DPP6: variants seen among roughly 807,000 people sequenced by gnomAD.
DPP6 encodes A-type potassium channel modulatory protein DPP6.
Under a neutral mutation model 122.6 loss-of-function variants are expected in DPP6, and 69 were observed. The observed-to-expected ratio is 0.56, with a 90% CI of 0.46 to 0.69. DPP6 has a LOEUF of 0.69. Among genes scored for constraint, DPP6 ranks in the 30% least tolerant of loss-of-function variants. The pLI is 0.00. For missense variants in DPP6, 928 were observed against 1,116.9 expected (o/e 0.83, Z 2.41); for synonymous variants, 418 against 433.1 (o/e 0.97, Z 0.43).
chr7:154,656,672 C>G (rs10232707), intron 6 of DPP6, among the ~76,000 whole-genome samples: 119,415 of 151,464 alleles, frequency 0.79, 48,695 homozygotes, highest in South Asian at 0.91. Context: ...GACCGGTAGG[C>G]GTTGGGCTGA....
chr7:153,870,769 A>G, the DPP6 span, among the ~76,000 whole-genome samples: 7 of 152,024 alleles, frequency 4.6e-5, no homozygotes, highest in Non-Finnish European at 8.8e-5. Flanking sequence ...TTTTTTGCCC[A>G]TCTTTGTGGT....
At chr7:154,694,481 G>A (rs1002339622) in intron 7 of DPP6, among the ~76,000 whole-genome samples, 1 of 152,074 alleles carries the variant, frequency 6.6e-6, no homozygotes, top group Non-Finnish European at 1.5e-5. Context: ...GCATGGTGGC[G>A]GGTGCCTGTA....
chr7:154,218,749 C>G (rs76628131), intron 1 of DPP6, among the ~76,000 whole-genome samples: 3 of 152,200 alleles, frequency 2.0e-5, no homozygotes, highest in Non-Finnish European at 4.4e-5. Flanking sequence ...TGCTCCACTG[C>G]ACCACCACAG....
chr7:153,886,276 C>A (rs38981), upstream of DPP6, among the ~76,000 whole-genome samples: 136,370 of 152,182 alleles, frequency 0.9, 61,256 homozygotes, highest in East Asian at 0.99. Flanking sequence ...TCCAGGGAGC[C>A]AACCGCGTTT....
At chr7:154,603,903 G>A (rs1833503719) in intron 5 of DPP6, among the ~76,000 whole-genome samples, 1 of 119,020 alleles carries the variant, frequency 8.4e-6, no homozygotes, top group African/African-American at 2.7e-5. Context: ...GTGCACGTGG[G>A]ATTTCTTAGT....
At chr7:154,611,285 G>A (rs897890977) in intron 5 of DPP6, among the ~76,000 whole-genome samples, 2 of 152,106 alleles carry the variant, frequency 1.3e-5, no homozygotes, top group Non-Finnish European at 2.9e-5. Flanking sequence ...TGTTACGTAC[G>A]AACACACATC....
chr7:154,467,015 T>G (rs1280517883), intron 2 of DPP6, among the ~76,000 whole-genome samples: 5 of 152,172 alleles, frequency 3.3e-5, no homozygotes, highest in Non-Finnish European at 7.4e-5. Flanking sequence ...ACTGGAGAGG[T>G]AAACACAGTA....
intron 1 of DPP6, among the ~76,000 whole-genome samples, chr7:154,190,515 G>A (rs1798565171): frequency 6.6e-6 from 1 of 152,160 alleles, no homozygotes; most frequent in East Asian, 1.9e-4. Flanking sequence ...TCAGTTAAAA[G>A]GTACTTAAGT....
At chr7:154,267,963 AC>A (rs1803546753) in intron 1 of DPP6, among the ~76,000 whole-genome samples, 1 of 149,156 alleles carries the variant, frequency 6.7e-6, no homozygotes, top group Non-Finnish European at 1.5e-5. Flanking sequence ...AAACACATAT[AC>A]ACACGTATAT....
chr7:154,246,391 A>T (rs1801987809), intron 1 of DPP6, among the ~76,000 whole-genome samples: 1 of 152,246 alleles, frequency 6.6e-6, no homozygotes. Context: ...GAAAAAATAA[A>T]ATAGAAAACT....
chr7:154,344,012 C>T (rs1357894688), intron 1 of DPP6, among the ~76,000 whole-genome samples: 1 of 152,006 alleles, frequency 6.6e-6, no homozygotes, highest in African/African-American at 2.4e-5. Context: ...CACCGTGCCC[C>T]ACCCTCTGCT....
intron 1 of DPP6, among the ~76,000 whole-genome samples, chr7:153,946,393 A>T (rs1005425378): frequency 6.6e-6 from 1 of 152,042 alleles, no homozygotes; most frequent in African/African-American, 2.4e-5. Context: ...TAATTTCTGG[A>T]TGTTGGCGTG....
At chr7:154,425,834 G>T (rs1279792941) in intron 1 of DPP6, among the ~76,000 whole-genome samples, 1 of 151,782 alleles carries the variant, frequency 6.6e-6, no homozygotes, top group African/African-American at 2.4e-5. Context: ...GTAGAGATGG[G>T]GTCTCTCTAT....
intron 1 of DPP6, chr7:154,305,326 C>T (rs563149387): frequency 2.0e-5 from 27 of 1,321,072 alleles, no homozygotes; most frequent in Middle Eastern, 2.9e-4. Context: ...AGAGCAAACT[C>T]GTCTTGTCTA....
chr7:154,702,668 G>T (rs574361773), intron 7 of DPP6, among the ~76,000 whole-genome samples: 1 of 152,326 alleles, frequency 6.6e-6, no homozygotes, highest in African/African-American at 2.4e-5. Context: ...AAGAAAAGTT[G>T]GAAGCTAACA....
At chr7:154,788,443 CAAA>C (rs11364637) in intron 10 of DPP6, among the ~76,000 whole-genome samples, 7 of 111,974 alleles carry the variant, frequency 6.3e-5, no homozygotes, top group Non-Finnish European at 6.0e-5. Context: ...GACTCTGCCT[CAAA>C]AAAAAAAAAA....
At chr7:154,107,482 G>C (rs941165218) in intron 1 of DPP6, among the ~76,000 whole-genome samples, 2 of 152,130 alleles carry the variant, frequency 1.3e-5, no homozygotes, top group Non-Finnish European at 2.9e-5. Flanking sequence ...GGAGGCATAA[G>C]TTTTTGAGAT....
At chr7:153,863,139 C>T in the DPP6 span, among the ~76,000 whole-genome samples, 2 of 152,244 alleles carry the variant, frequency 1.3e-5, no homozygotes, top group East Asian at 3.9e-4. Context: ...TATAACTCTA[C>T]CCATCATGTA....
intron 1 of DPP6, among the ~76,000 whole-genome samples, chr7:154,436,400 A>G (rs531188385): frequency 9.2e-5 from 14 of 151,936 alleles, no homozygotes; most frequent in African/African-American, 3.4e-4. Flanking sequence ...CCAACACCTC[A>G]GTAAAAATCA....
Sources: gnomAD v4.1 joint callset for allele counts (sites outside exome capture counted in the v4.1 genomes callset) on GRCh38, gnomAD v4.1.1 for gene constraint, MANE v1.5 for transcripts, NCBI Gene and HGNC (gene_info 2026-07-23, HGNC 2026-07-21) for gene names.